CATSPERD: variants seen among roughly 807,000 people sequenced by gnomAD.
CATSPERD encodes the protein cation channel sperm-associated auxiliary subunit delta.
Under a neutral mutation model 98.1 loss-of-function variants are expected in CATSPERD, and 86 were observed. The observed-to-expected ratio is 0.88, with a 90% CI of 0.74 to 1.05. The LOEUF (loss-of-function observed/expected upper bound fraction) is 1.05. Among genes scored for constraint, CATSPERD ranks in the 50% least tolerant of loss-of-function variants. The pLI, the probability that CATSPERD is intolerant of heterozygous loss-of-function variation, is 0.00. For synonymous variants in CATSPERD, 394 were observed against 390.2 expected (o/e 1.01, Z -0.12); for missense variants, 995 against 1,005.7 (o/e 0.99, Z 0.14).
chr19:5,739,731 T>G (rs2055919644), intron 7 of CATSPERD, among the ~76,000 whole-genome samples: 1 of 151,442 alleles, frequency 6.6e-6, no homozygotes, highest in African/African-American at 2.4e-5. Context: ...TCCTAGCTAC[T>G]TGGAAGGCTG....
chr19:5,772,214 ATTTTTTTTTTT>A (rs35847357), intron 19 of CATSPERD: 3,146 of 153,824 alleles, frequency 0.02, 12 homozygotes, highest in South Asian at 0.043. Context: ...TGCCCGGTTA[ATTTTTTTTTTT>A]TTTTTTTTTT....
At chr19:5,739,796 A>C (rs1291751231) in intron 7 of CATSPERD, among the ~76,000 whole-genome samples, 1 of 151,122 alleles carries the variant, frequency 6.6e-6, no homozygotes, top group Non-Finnish European at 1.5e-5. Flanking sequence ...CTATGATCAC[A>C]GCTCTGCTCT....
intron 6 of CATSPERD, among the ~76,000 whole-genome samples, chr19:5,738,250 A>G (rs1464125814): frequency 6.6e-6 from 1 of 151,818 alleles, no homozygotes; most frequent in African/African-American, 2.4e-5. Flanking sequence ...TACTAAAAAT[A>G]CAAAAAATTA....
chr19:5,734,914 A>G (rs1423861529), intron 5 of CATSPERD, among the ~76,000 whole-genome samples: 1 of 152,068 alleles, frequency 6.6e-6, no homozygotes, highest in Non-Finnish European at 1.5e-5. Context: ...AAGCTGGATT[A>G]TGAGCATTGT....
Position 5,768,026 on chromosome 19 carries a change from G to A in CATSPERD, c.1560-142G>A, listed in dbSNP as rs1021916451. 22 of 546,978 alleles carry A rather than the reference G, an allele frequency of 4.0e-5. No homozygotes were observed. In the East Asian group the frequency reaches 6.8e-4, roughly 17 times the overall value. The allele number at this position is 546,978 out of a possible 1,614,324, so 33.9% of individuals were successfully genotyped here. A position where few individuals can be genotyped will look rare whatever the true frequency, so the allele number is the denominator to read the frequency against. ...TTGGCCAGGCTGGTCTCCAACTCCT[G>A]ACCTCAGGTGATCCGCCCGCCTCAG... is the stretch of plus-strand genomic sequence containing the variant. On this transcript the variant is annotated intron_variant, in intron 17 of 21. Coordinates refer to ENST00000381624, the MANE Select transcript of CATSPERD (RefSeq NM_152784.4).
In CATSPERD at chr19:5,775,799, C is replaced by T. The variant is rs553610184; in HGVS notation, c.1942-362C>T. Among the ~76,000 whole-genome samples, 54 of 152,264 alleles carry T rather than the reference C, an allele frequency of 3.5e-4. No individual in the cohort carries two copies. The South Asian group carries it at 5.2e-3, about 15-fold the overall frequency. ...ATCAGAAGAAACACTGTGCCTGGCT[C>T]GTGACCGCCCTCAGCATTCCTTCTG... On this transcript the variant is annotated intron_variant, in intron 20 of 21. Coordinates refer to ENST00000381624, the MANE Select transcript of CATSPERD (RefSeq NM_152784.4).
chr19:5,723,869 C>T (rs1421960817), intron 1 of CATSPERD, among the ~76,000 whole-genome samples: 3 of 150,660 alleles, frequency 2.0e-5, no homozygotes, highest in East Asian at 2.0e-4. Flanking sequence ...CTCCGCCTCC[C>T]GGGTTCAAGC....
chr19:5,773,517 G>A (rs1263821930), intron 20 of CATSPERD, among the ~76,000 whole-genome samples: 3 of 151,946 alleles, frequency 2.0e-5, no homozygotes, highest in Non-Finnish European at 2.9e-5. Context: ...TACTCAGTGT[G>A]CATCTGTTTT....
chr19:5,736,782 G>A (rs1452649680), intron 5 of CATSPERD, among the ~76,000 whole-genome samples: 2 of 152,006 alleles, frequency 1.3e-5, no homozygotes, highest in African/African-American at 4.8e-5. Flanking sequence ...TCTAGGCCAG[G>A]TGTGGTGGCT....
chr19:5,753,540 C>T (rs1324012774), intron 12 of CATSPERD: 18 of 324,724 alleles, frequency 5.5e-5, no homozygotes, highest in South Asian at 2.8e-4. Context: ...CCAACCTGGG[C>T]GACAGAGCCA....
intron 1 of CATSPERD, 48 bp downstream of exon 1, chr19:5,720,856 A>G (rs1422412683): frequency 3.3e-6 from 5 of 1,521,678 alleles, no homozygotes; most frequent in Admixed American, 3.7e-5. Context: ...GGGGGTCGGG[A>G]GGGTGCTGGT....
At chr19:5,746,159 T>C in intron 9 of CATSPERD, 96 bp downstream of exon 9, 7 of 1,303,254 alleles carry the variant, frequency 5.4e-6, no homozygotes, top group Non-Finnish European at 7.5e-6. Context: ...GAGCAACCCC[T>C]CGACCACTCG....
At chr19:5,731,592 G>A (rs796155200) in intron 4 of CATSPERD, among the ~76,000 whole-genome samples, 17 of 36,900 alleles carry the variant, frequency 4.6e-4, no homozygotes, top group African/African-American at 1.3e-3. Context: ...TTTTTGAGAC[G>A]GAGTCTCGCT....
intron 12 of CATSPERD, among the ~76,000 whole-genome samples, chr19:5,752,090 C>A (rs1330630589): frequency 6.6e-6 from 1 of 152,038 alleles, no homozygotes; most frequent in Non-Finnish European, 1.5e-5. Flanking sequence ...AGGTGGATCA[C>A]TTGAGGTCAG....
At chr19:5,722,730 AC>A (rs34338163) in intron 1 of CATSPERD, among the ~76,000 whole-genome samples, 105,649 of 140,032 alleles carry the variant, frequency 0.75, 38,983 homozygotes, top group East Asian at 0.81. Context: ...GTTTATCAAG[AC>A]CCCCCCCCCC....
intron 21 of CATSPERD, among the ~76,000 whole-genome samples, chr19:5,778,122 G>A (rs764948933): frequency 5.3e-5 from 8 of 150,234 alleles, no homozygotes; most frequent in Non-Finnish European, 7.4e-5. Context: ...CAGGAGAATT[G>A]CTTGAATTCA....
chr19:5,748,062 G>A, intron 9 of CATSPERD, 98 bp from the exon 10 acceptor site: 1 of 895,722 alleles, frequency 1.1e-6, no homozygotes, highest in Non-Finnish European at 1.9e-6. Flanking sequence ...TGGCCGGGTG[G>A]GTTGGGTGGT....
chr19:5,723,621 G>A (rs558616009), intron 1 of CATSPERD, among the ~76,000 whole-genome samples: 2 of 150,474 alleles, frequency 1.3e-5, no homozygotes, highest in Non-Finnish European at 3.0e-5. Flanking sequence ...CCGCAACCAC[G>A]CCCGGCTAAT....
chr19:5,741,145 G>A (rs2055955601), intron 7 of CATSPERD, among the ~76,000 whole-genome samples: 1 of 149,714 alleles, frequency 6.7e-6, no homozygotes, highest in South Asian at 2.1e-4. Flanking sequence ...ATTAACTTAT[G>A]ACACACCCAC....
Sources: gnomAD v4.1 joint callset for allele counts (sites outside exome capture counted in the v4.1 genomes callset) on GRCh38, gnomAD v4.1.1 for gene constraint, MANE v1.5 for transcripts, NCBI Gene and HGNC (gene_info 2026-07-23, HGNC 2026-07-21) for gene names.